The following AGMAT variants were observed in gnomAD, a reference collection of about 807,000 sequenced individuals.
AGMAT encodes the protein guanidino acid hydrolase, mitochondrial.
A neutral mutation model predicts 29.3 loss-of-function variants in AGMAT; 37 were observed. That is an observed-to-expected ratio of 1.26 (90% confidence interval 0.97 to 1.66). The LOEUF (loss-of-function observed/expected upper bound fraction) is 1.66, where lower values mean the gene tolerates loss of function less well. Ranked by LOEUF, AGMAT falls within the 40% of genes most tolerant of loss-of-function variation. The pLI, the probability that AGMAT is intolerant of heterozygous loss-of-function variation, is 0.00. For synonymous variants in AGMAT, 199 were observed against 200.8 expected, an observed-to-expected ratio of 0.99 and a Z score of 0.08; for missense variants, 498 against 497.8, an observed-to-expected ratio of 1.00 and a Z score of 0.00.
chr1:15,580,576 T>C (rs939104946), intron 2 of AGMAT, among the ~76,000 whole-genome samples: 1 of 151,998 alleles, frequency 6.6e-6, no homozygotes, highest in African/African-American at 2.4e-5. Flanking sequence ...TAAGATCTTA[T>C]AGAATGGCAG....
At chr1:15,582,903 C>G (rs920320882) in intron 2 of AGMAT, among the ~76,000 whole-genome samples, 11 of 152,132 alleles carry the variant, frequency 7.2e-5, no homozygotes, top group African/African-American at 2.7e-4. Flanking sequence ...GAGGCTGAGG[C>G]AGGAGAATTG....
In AGMAT at chr1:15,584,881, C is replaced by A; in HGVS notation, c.87G>T (p.Gly29=). 2.1e-6 allele frequency: 3 copies of A among 1,406,062 alleles called. No individual in the cohort carries two copies. In the South Asian group the frequency reaches 4.6e-5, roughly 22 times the overall value. The allele number at this position is 1,406,062 out of a possible 1,614,324, so 87.1% of individuals were successfully genotyped here. A position where few individuals can be genotyped will look rare whatever the true frequency, so the allele number is the denominator to read the frequency against. The change falls in exon 1 of 7, where the codon GGG becomes GGT. Residue 29 remains glycine (G), a synonymous_variant. Transcript: ENST00000375826. ...ARPAAGLFHP[G]RRQSRQASDA... is the part of the protein sequence containing the mutation. ...CGGAAGCCTGGCGGCTCTGGCGGCGCCCCGGATGAAAGAGCCCTGCGGCAG... is the reference window on the plus strand; with the variant it reads ...CGGAAGCCTGGCGGCTCTGGCGGCGACCCGGATGAAAGAGCCCTGCGGCAG...
chr1:15,584,950 C>A lies in AGMAT; in HGVS notation c.18G>T (p.Ala6=). The A allele has an allele frequency of 1.5e-6, 2 of 1,355,614 alleles. No individual in the cohort carries two copies. Among genetic ancestry groups the A allele is most frequent in the East Asian group, 3.1e-5 (1 of 32,446 alleles). 84.0% of individuals were successfully genotyped at this position (1,355,614 alleles called of 1,614,324 possible). The part of the protein sequence containing the change: MLRLL[A]SGCARGPGPG... ...GCCCCGGGCCCCGGGCGCACCCGGA[C>A]GCCAGCAGCCTCAGCATTGCCGCGC... The change falls in exon 1 of 7, where the codon GCG becomes GCT. Residue 6 remains alanine (A), a synonymous_variant. Coordinates refer to ENST00000375826, the MANE Select transcript of AGMAT (RefSeq NM_024758.5).
rs968547050 is a variant in AGMAT, at chr1:15,571,931, A to G, written c.*1720T>C. ...CAGGAAGTGAGTTACAATAAGTAACATTAAGAGCCCAGCTGCCAGCCTGGC... is the reference window on the plus strand; with the variant it reads ...CAGGAAGTGAGTTACAATAAGTAACGTTAAGAGCCCAGCTGCCAGCCTGGC... On this transcript the variant is annotated 3_prime_UTR_variant, in exon 7 of 7. Transcript: ENST00000375826. 2.6e-5 allele frequency among the ~76,000 whole-genome samples: 4 copies of G among 152,128 alleles called. No homozygotes were observed. Among genetic ancestry groups the G allele is most frequent in the African/African-American group, 9.7e-5 (4 of 41,428 alleles).
In AGMAT at chr1:15,584,973, C is replaced by T; in HGVS notation, c.-6G>A. 1.5e-6 allele frequency: 2 copies of T among 1,328,576 alleles called. No homozygotes were observed. The highest frequency in any genetic ancestry group is 2.1e-5 in the South Asian group (1 of 47,820). The allele number at this position is 1,328,576 out of a possible 1,614,324, so 82.3% of individuals were successfully genotyped here. A position where few individuals can be genotyped will look rare whatever the true frequency, so the allele number is the denominator to read the frequency against. ...GACGCCAGCAGCCTCAGCATTGCCG[C>T]GCGCGGCCAAGACCTCACCGACCAA... On this transcript the variant is annotated 5_prime_UTR_variant, in exon 1 of 7. Transcript: ENST00000375826.
intron 1 of AGMAT, among the ~76,000 whole-genome samples, chr1:15,583,869 T>C (rs748956614): frequency 2.0e-5 from 3 of 152,216 alleles, no homozygotes; most frequent in African/African-American, 4.8e-5. Flanking sequence ...TCAGATATAG[T>C]GTTGCTGAGC....
rs781149544 is a variant in AGMAT at position 15,572,352 on chromosome 1, C to CA, written c.*1298_*1299insT. On this transcript the variant is annotated 3_prime_UTR_variant, in exon 7 of 7. Coordinates refer to ENST00000375826, the MANE Select transcript of AGMAT (RefSeq NM_024758.5). ...GGCGTGAGCCACTGGGTCCGGCCTGCTTTTTTTTTTTTTTTTTTTTTTTTG... is the reference window on the plus strand; with the variant it reads ...GGCGTGAGCCACTGGGTCCGGCCTGCATTTTTTTTTTTTTTTTTTTTTTTTG... The CA allele has an allele frequency of 2.3e-5, 1 of 43,724 alleles. No homozygotes were observed. The highest frequency in any genetic ancestry group is 1.1e-4 in the African/African-American group (1 of 9,520). 2.7% of individuals were successfully genotyped at this position (43,724 alleles called of 1,614,324 possible).
Position 15,577,725 on chromosome 1 carries a change from C to G in AGMAT, c.860G>C (p.Gly287Ala). 1.9e-6 allele frequency: 3 copies of G among 1,614,058 alleles called. No homozygotes were observed. The highest frequency in any genetic ancestry group is 1.3e-5 in the African/African-American group (1 of 75,024). The change falls in exon 5 of 7, where the codon GGG becomes GCG. Residue 287 changes from glycine to alanine, a missense_variant. Transcript: ENST00000375826. Reference protein sequence around the residue: ...IDALDPAYAPGTGTPEIAGLT... With the variant: ...IDALDPAYAPATGTPEIAGLT... ...ACCAGCAATTTCAGGTGTCCCTGTC[C>G]CTGGCGCATAGGCAGGATCCAGAGC...
At chr1:15,574,247 G>C (rs1438191980) in intron 6 of AGMAT, among the ~76,000 whole-genome samples, 1 of 152,148 alleles carries the variant, frequency 6.6e-6, no homozygotes, top group Admixed American at 6.6e-5. Flanking sequence ...GCAAGCTAAT[G>C]ATACTTAACT....
At chr1:15,574,727 C>T in intron 6 of AGMAT, 30 bp downstream of exon 6, 1 of 1,584,320 alleles carries the variant, frequency 6.3e-7, no homozygotes, top group Non-Finnish European at 8.7e-7. Flanking sequence ...TACCGGCTGC[C>T]CATGGATCTC....
chr1:15,585,013 C>T lies in AGMAT; in HGVS notation c.-46G>A. The T allele has an allele frequency of 7.8e-7, 1 of 1,280,540 alleles. No individual in the cohort carries two copies. The highest frequency in any genetic ancestry group is 2.6e-5 in the South Asian group (1 of 38,628). The allele number at this position is 1,280,540 out of a possible 1,614,324, so 79.3% of individuals were successfully genotyped here. ...TCACCGACCAAACCGCCCGCGAGGC[C>T]GCCGCGATCTGGCTGGTCCCGAACG... On this transcript the variant is annotated 5_prime_UTR_variant, in exon 1 of 7. Transcript: ENST00000375826.
chr1:15,573,571 G>C lies in AGMAT; in HGVS notation c.*80C>G, dbSNP rs1255537752. 2.9e-6 allele frequency: 4 copies of C among 1,361,348 alleles called. No homozygotes were observed. The highest frequency in any genetic ancestry group is 4.2e-6 in the Non-Finnish European group (4 of 953,886). The allele number at this position is 1,361,348 out of a possible 1,614,324, so 84.3% of individuals were successfully genotyped here. A position where few individuals can be genotyped will look rare whatever the true frequency, so the allele number is the denominator to read the frequency against. On this transcript the variant is annotated 3_prime_UTR_variant, in exon 7 of 7. Coordinates refer to ENST00000375826, the MANE Select transcript of AGMAT (RefSeq NM_024758.5). ...AAGTTTTCTTGGCATAAACTCTTTA[G>C]TTCTCAGACTGCTTACTCATAAGTT...
At chr1:15,575,693 G>C (rs543253845) in intron 5 of AGMAT, 12 of 152,022 alleles carry the variant, frequency 7.9e-5, no homozygotes, top group African/African-American at 2.9e-4. Context: ...AAACTCTTGA[G>C]CTTACCTTGG....
At chr1:15,582,007 G>A (rs796686630) in intron 2 of AGMAT, among the ~76,000 whole-genome samples, 6 of 152,104 alleles carry the variant, frequency 3.9e-5, no homozygotes, top group South Asian at 2.1e-4. Flanking sequence ...AATGGCTCAC[G>A]CCTGTAATCC....
intron 4 of AGMAT, among the ~76,000 whole-genome samples, chr1:15,578,279 G>A (rs2103437732): frequency 1.3e-5 from 2 of 152,024 alleles, no homozygotes; most frequent in Non-Finnish European, 2.9e-5. Flanking sequence ...CTCATCTTGG[G>A]TCCGGACTTC....
chr1:15,574,100 T>C (rs766203780), intron 6 of AGMAT, among the ~76,000 whole-genome samples: 1 of 152,184 alleles, frequency 6.6e-6, no homozygotes, highest in Non-Finnish European at 1.5e-5. Context: ...ACCAGCTAAG[T>C]TCCTATTTGA....
Position 15,573,478 on chromosome 1 carries a change from G to T in AGMAT, c.*173C>A. On this transcript the variant is annotated 3_prime_UTR_variant, in exon 7 of 7. Transcript: ENST00000375826. ...CAATTAATCCAAGTTCCTTAGAAAT[G>T]TTGCTGTTTGGGTGAGAATTCTACT... 1 of 551,430 alleles carries T rather than the reference G, an allele frequency of 1.8e-6. No homozygotes were observed. Among genetic ancestry groups the T allele is most frequent in the Non-Finnish European group, 3.3e-6 (1 of 302,486 alleles). 34.2% of individuals were successfully genotyped at this position (551,430 alleles called of 1,614,324 possible). A position where few individuals can be genotyped will look rare whatever the true frequency, so the allele number is the denominator to read the frequency against.
rs1194344252 is a variant in AGMAT at position 15,572,048 on chromosome 1, G to A, written c.*1603C>T. Among the ~76,000 whole-genome samples the A allele has an allele frequency of 6.6e-6, 1 of 151,460 alleles. No individual in the cohort carries two copies. Among genetic ancestry groups the A allele is most frequent in the African/African-American group, 2.4e-5 (1 of 41,198 alleles). On this transcript the variant is annotated 3_prime_UTR_variant, in exon 7 of 7. Coordinates refer to ENST00000375826, the MANE Select transcript of AGMAT (RefSeq NM_024758.5). ...TAATTCTAGCTACTCAGGAGGCTGA[G>A]GCAGCAGAATTGCTTGAACCCAGGA...
chr1:15,582,964 C>G (rs1361307848), intron 2 of AGMAT, among the ~76,000 whole-genome samples: 1 of 152,236 alleles, frequency 6.6e-6, no homozygotes, highest in Non-Finnish European at 1.5e-5. Context: ...CACCACTGCA[C>G]TCCAGTCTGG....
Sources: allele counts gnomAD v4.1 joint callset (sites outside exome capture counted in the v4.1 genomes callset), GRCh38; gene constraint gnomAD v4.1.1; transcripts MANE v1.5; gene names NCBI Gene and HGNC (gene_info 2026-07-23, HGNC 2026-07-21).